MCF2L: variants seen among roughly 807,000 people sequenced by gnomAD.
MCF2L encodes the protein guanine nucleotide exchange factor DBS.
In MCF2L, 97 loss-of-function variants were observed where a neutral mutation model predicts 153.4. That is an observed-to-expected ratio of 0.63 (90% CI 0.54 to 0.75). MCF2L has a LOEUF of 0.75. Ranked by LOEUF, MCF2L falls within the 30% of genes least tolerant of loss-of-function variation. The pLI is 0.00. For missense variants in MCF2L, 1,347 were observed against 1,495.2 expected, an observed-to-expected ratio of 0.90 and a Z score of 1.64; for synonymous variants, 659 against 632.2, an observed-to-expected ratio of 1.04 and a Z score of -0.64.
intron 1 of MCF2L, among the ~76,000 whole-genome samples, chr13:112,984,913 G>A (rs540323385): frequency 1.5e-4 from 23 of 152,202 alleles, no homozygotes; most frequent in African/African-American, 4.3e-4. Context: ...ATTTGGGGCC[G>A]TGATCAGATG....
rs1449307224 is a variant in MCF2L at position 113,096,862 on chromosome 13, C to T, written c.*3C>T. 4 of 1,426,376 alleles carry T rather than the reference C, an allele frequency of 2.8e-6. No homozygotes were observed. Among genetic ancestry groups the T allele is most frequent in the Non-Finnish European group, 2.7e-6 (3 of 1,098,000 alleles). 88.4% of individuals were successfully genotyped at this position (1,426,376 alleles called of 1,614,324 possible). On this transcript the variant is annotated 3_prime_UTR_variant, in exon 30 of 30. Transcript: ENST00000535094. ...CCTTCTCCGACCTGCAGGGGTAGCG[C>T]GGCCTCGGCGCCGGAGACCCGCGCG...
In MCF2L at chr13:113,045,037, G is replaced by A; in HGVS notation, c.279-234G>A. The A allele has an allele frequency of 8.5e-7, 1 of 1,169,812 alleles. No individual in the cohort carries two copies. 72.5% of individuals were successfully genotyped at this position (1,169,812 alleles called of 1,614,324 possible). A position where few individuals can be genotyped will look rare whatever the true frequency, so the allele number is the denominator to read the frequency against. ...TGTGACTCGAGGTGGTTGGTGTTAG[G>A]CTGAGAAATAAGAACACACCAAAAG... On this transcript the variant is annotated intron_variant, in intron 3 of 29. Transcript: ENST00000535094. This position sits in a 1 kb window ranked among gnomAD's most constrained non-coding sequence, Gnocchi z 4.2.
At chr13:112,902,525 C>G (rs2081130165) in intron 2 of MCF2L, among the ~76,000 whole-genome samples, 2 of 152,156 alleles carry the variant, frequency 1.3e-5, no homozygotes, top group African/African-American at 4.8e-5. Context: ...TGGGAGGGGC[C>G]TCGAATGGGT....
intron 1 of MCF2L, among the ~76,000 whole-genome samples, chr13:112,999,919 G>A (rs551552883): frequency 3.3e-5 from 5 of 152,128 alleles, no homozygotes; most frequent in Middle Eastern, 3.4e-3. Context: ...AAGTGCGGGC[G>A]GCGAGTGGGC....
At chr13:112,958,361 G>A (rs1419971412) in intron 2 of MCF2L, among the ~76,000 whole-genome samples, 4 of 152,210 alleles carry the variant, frequency 2.6e-5, no homozygotes, top group East Asian at 1.9e-4. Context: ...CCGCTTCTCC[G>A]GGGGACCCTG....
intron 2 of MCF2L, among the ~76,000 whole-genome samples, chr13:112,920,355 C>CTGTGTGTTGCTGCTGGCTTGTG (rs2081339789): frequency 6.6e-6 from 1 of 152,086 alleles, no homozygotes; most frequent in Non-Finnish European, 1.5e-5. Context: ...AGAGTGATGT[C>CTGTGTGTTGCTGCTGGCTTGTG]TGTGTGTTGC....
At chr13:112,980,707 G>A (rs1305325283) in intron 1 of MCF2L, among the ~76,000 whole-genome samples, 3 of 83,408 alleles carry the variant, frequency 3.6e-5, no homozygotes, top group Non-Finnish European at 8.1e-5. Flanking sequence ...GGAGGGCTGT[G>A]TCACTCACTG....
intron 1 of MCF2L, among the ~76,000 whole-genome samples, chr13:112,978,764 C>T (rs984828325): frequency 1.3e-5 from 2 of 152,276 alleles, no homozygotes; most frequent in African/African-American, 4.8e-5. Flanking sequence ...TGGGCTTTCA[C>T]AAGCAGGCCT....
At position 112,904,896 on chromosome 13, in the gene MCF2L, G is replaced by A. The variant is rs1031200965; in HGVS notation, c.169+2525G>A. 3.9e-5 allele frequency among the ~76,000 whole-genome samples: 6 copies of A among 152,202 alleles called. No homozygotes were observed. Among genetic ancestry groups the A allele is most frequent in the Admixed American group, 2.0e-4 (3 of 15,280 alleles). Reference sequence around the variant, plus strand: ...AACCTGTTTGTATCAGAACAATTTCGAAATCAGTGATAGTTTTTTTTGTCA... The same window carrying A: ...AACCTGTTTGTATCAGAACAATTTCAAAATCAGTGATAGTTTTTTTTGTCA... On this transcript the variant is annotated intron_variant, in intron 2 of 29. Transcript: ENST00000375608. This position sits in a 1 kb window ranked among gnomAD's most constrained non-coding sequence, Gnocchi z 4.2.
chr13:113,011,672 A>G (rs9549336), intron 1 of MCF2L, among the ~76,000 whole-genome samples: 12,439 of 48,198 alleles, frequency 0.26, 2,684 homozygotes, highest in East Asian at 0.56. Context: ...ACTGTGATGC[A>G]GACGGTGGAC....
chr13:113,014,076 C>T (rs770918291), intron 1 of MCF2L, among the ~76,000 whole-genome samples: 11 of 152,348 alleles, frequency 7.2e-5, no homozygotes, highest in African/African-American at 2.2e-4. Context: ...TGGCCTAGTG[C>T]TCCCAGCTGG....
At chr13:113,018,301 C>T (rs2084660265) in intron 2 of MCF2L, among the ~76,000 whole-genome samples, 1 of 152,198 alleles carries the variant, frequency 6.6e-6, no homozygotes, top group Non-Finnish European at 1.5e-5. Flanking sequence ...TAATCCACAC[C>T]CTCTACTCAC....
intron 2 of MCF2L, among the ~76,000 whole-genome samples, chr13:112,927,609 A>G (rs2081421337): frequency 6.6e-6 from 1 of 152,248 alleles, no homozygotes; most frequent in Admixed American, 6.5e-5. Context: ...CTGATCAGGA[A>G]GCTGCTGGCA....
At chr13:113,026,506 T>C (rs1007391736) in intron 3 of MCF2L, among the ~76,000 whole-genome samples, 2 of 152,198 alleles carry the variant, frequency 1.3e-5, no homozygotes, top group Non-Finnish European at 2.9e-5. Context: ...TGCTCAGCAG[T>C]CGGGATCTGA....
At chr13:112,937,716 C>T (rs1257609096) in intron 2 of MCF2L, among the ~76,000 whole-genome samples, 1 of 151,832 alleles carries the variant, frequency 6.6e-6, no homozygotes, top group Non-Finnish European at 1.5e-5. Context: ...GCAGCTGAGC[C>T]CTGATTAGCC....
Position 112,986,974 on chromosome 13 carries a change from C to T in MCF2L, c.79+17516C>T, listed in dbSNP as rs370707800. On this transcript the variant is annotated intron_variant, in intron 1 of 29. Transcript: ENST00000535094. The stretch of plus-strand genomic sequence containing the variant: ...CAAGCTGGCGTCCTGCCCAAGGCTC[C>T]GGGGAGGTTTCAGGTGGGACTCGGA... 2.8e-4 allele frequency among the ~76,000 whole-genome samples: 43 copies of T among 152,246 alleles called. 1 individual carries two copies. The South Asian group carries it at 5.4e-3, about 19-fold the overall frequency.
intron 26 of MCF2L, 63 bp downstream of exon 26, chr13:113,089,791 T>C: frequency 3.8e-6 from 6 of 1,594,590 alleles, no homozygotes; most frequent in Non-Finnish European, 5.2e-6. Flanking sequence ...CACGGAGTGC[T>C]CACTGCATCC....
At chr13:112,981,427 G>A (rs2082421408) in intron 1 of MCF2L, among the ~76,000 whole-genome samples, 1 of 152,228 alleles carries the variant, frequency 6.6e-6, no homozygotes, top group African/African-American at 2.4e-5. Flanking sequence ...GGTCCCCCGT[G>A]AAGACATCGT....
chr13:112,914,341 C>T (rs952799979), intron 2 of MCF2L, among the ~76,000 whole-genome samples: 1 of 152,252 alleles, frequency 6.6e-6, no homozygotes, highest in African/African-American at 2.4e-5. Context: ...GGGACTACTC[C>T]ACATCCATGA....
Sources: gnomAD v4.1 joint callset for allele counts (sites outside exome capture counted in the v4.1 genomes callset) on GRCh38, gnomAD v4.1.1 for gene constraint, Gnocchi (gnomAD v3.1) non-coding constraint, MANE v1.5 for transcripts, NCBI Gene and HGNC (gene_info 2026-07-23, HGNC 2026-07-21) for gene names.